Variants in SGCZ observed in about 807,000 individuals in gnomAD.
SGCZ encodes the protein zeta-sarcoglycan.
Under a neutral mutation model 41.3 loss-of-function variants are expected in SGCZ, and 40 were observed. That is an observed-to-expected ratio of 0.97 (90% CI 0.75 to 1.26). SGCZ has a LOEUF of 1.26. SGCZ is among the 50% of genes most tolerant of loss of function. The pLI is 0.00. For missense variants in SGCZ, 552 were observed against 369.8 expected (o/e 1.49, Z -4.04); for synonymous variants, 206 against 137.5 (o/e 1.50, Z -3.49).
At chr8:14,740,287 C>G (rs1312616752) in intron 1 of SGCZ, among the ~76,000 whole-genome samples, 1 of 151,976 alleles carries the variant, frequency 6.6e-6, no homozygotes, top group African/African-American at 2.4e-5. Flanking sequence ...CTTGCTAATT[C>G]CAGGGAAGGA....
intron 1 of SGCZ, among the ~76,000 whole-genome samples, chr8:14,636,308 C>T (rs1420495251): frequency 1.3e-5 from 2 of 151,732 alleles, no homozygotes; most frequent in Non-Finnish European, 2.9e-5. Flanking sequence ...TAAAATGATT[C>T]CACTTCACTT....
At chr8:14,641,178 G>A (rs1395002773) in intron 1 of SGCZ, among the ~76,000 whole-genome samples, 1 of 151,582 alleles carries the variant, frequency 6.6e-6, no homozygotes, top group African/African-American at 2.4e-5. Flanking sequence ...TGCTTCTACT[G>A]CTGTAACAAC....
At chr8:14,330,065 A>G (rs930020772) in intron 2 of SGCZ, among the ~76,000 whole-genome samples, 4 of 152,138 alleles carry the variant, frequency 2.6e-5, no homozygotes, top group African/African-American at 9.6e-5. Context: ...GGCCATGATT[A>G]ATATCCTAGT....
At chr8:14,197,550 A>T (rs977076112) in intron 4 of SGCZ, among the ~76,000 whole-genome samples, 14 of 150,658 alleles carry the variant, frequency 9.3e-5, no homozygotes, top group African/African-American at 2.5e-4. Flanking sequence ...AGATCAAATT[A>T]AAAAAAAACA....
intron 2 of SGCZ, among the ~76,000 whole-genome samples, chr8:14,522,113 C>A (rs188362908): frequency 4.6e-5 from 7 of 152,028 alleles, no homozygotes; most frequent in Non-Finnish European, 8.8e-5. Flanking sequence ...CTGGTAGAAA[C>A]CTTAGTTGCT....
intron 2 of SGCZ, among the ~76,000 whole-genome samples, chr8:14,369,091 A>G (rs1803819891): frequency 6.6e-6 from 1 of 151,528 alleles, no homozygotes. Flanking sequence ...CTTATTAAAT[A>G]TAGTACAAAT....
chr8:15,061,614 G>A (rs957530322), intron 1 of SGCZ, among the ~76,000 whole-genome samples: 1 of 151,602 alleles, frequency 6.6e-6, no homozygotes, highest in Non-Finnish European at 1.5e-5. Flanking sequence ...CTCTTCTGTT[G>A]AGAACTCAGT....
chr8:15,191,266 G>A lies in SGCZ; in HGVS notation c.39+46319C>T, dbSNP rs73527499. 9.4e-3 allele frequency among the ~76,000 whole-genome samples: 1,432 copies of A among 151,862 alleles called. 32 individuals are homozygous for A. The highest frequency in any genetic ancestry group is 0.03 in the African/African-American group (1,255 of 41,356). Reference sequence around the variant, plus strand: ...CAAGACTGAAAAATTCTAAATTTTCGCATGATCTAGTCTGTATTCAACGTA... The same window carrying A: ...CAAGACTGAAAAATTCTAAATTTTCACATGATCTAGTCTGTATTCAACGTA... On this transcript the variant is annotated intron_variant, in intron 1 of 7. Transcript: ENST00000382080.
At chr8:14,395,183 T>A (rs1192395124) in intron 2 of SGCZ, among the ~76,000 whole-genome samples, 1 of 152,218 alleles carries the variant, frequency 6.6e-6, no homozygotes, top group Non-Finnish European at 1.5e-5. Flanking sequence ...TGACTTCTTT[T>A]ATGTACTGTA....
chr8:14,789,580 A>T (rs570543085), intron 1 of SGCZ, among the ~76,000 whole-genome samples: 1 of 152,238 alleles, frequency 6.6e-6, no homozygotes, highest in South Asian at 2.1e-4. Context: ...TAGACCTTTC[A>T]TTCTTTCTCC....
chr8:14,180,816 C>T (rs1563170488), intron 4 of SGCZ, among the ~76,000 whole-genome samples: 1 of 151,896 alleles, frequency 6.6e-6, no homozygotes. Flanking sequence ...AATGGATCTG[C>T]CAAGTGGCGA....
intron 1 of SGCZ, among the ~76,000 whole-genome samples, chr8:14,718,112 G>C (rs140700177): frequency 4.7e-4 from 71 of 151,166 alleles, no homozygotes; most frequent in Non-Finnish European, 8.8e-4. Flanking sequence ...GACTCTCTAA[G>C]CTAAATGTTA....
intron 1 of SGCZ, among the ~76,000 whole-genome samples, chr8:14,899,209 T>C (rs1380340792): frequency 1.3e-5 from 2 of 152,190 alleles, no homozygotes; most frequent in African/African-American, 2.4e-5. Context: ...TGGGTGAAAG[T>C]ATTTTGTAAA....
At chr8:14,580,832 G>C (rs62498440) in intron 1 of SGCZ, among the ~76,000 whole-genome samples, 27,167 of 152,182 alleles carry the variant, frequency 0.18, 2,959 homozygotes, top group Admixed American at 0.25. Flanking sequence ...TGGAGAGATG[G>C]AGGGAGCCTT....
intron 1 of SGCZ, among the ~76,000 whole-genome samples, chr8:15,205,586 A>G (rs1325286036): frequency 6.6e-6 from 1 of 152,142 alleles, no homozygotes; most frequent in Non-Finnish European, 1.5e-5. Flanking sequence ...ATGGCTATTA[A>G]TAAAAAGTCA....
At chr8:14,520,124 G>C (rs1310792012) in intron 2 of SGCZ, among the ~76,000 whole-genome samples, 3 of 151,984 alleles carry the variant, frequency 2.0e-5, no homozygotes, top group Admixed American at 2.0e-4. Context: ...AATACATCCT[G>C]CCAAGTCCTC....
intron 1 of SGCZ, among the ~76,000 whole-genome samples, chr8:14,809,164 G>T (rs569493661): frequency 6.6e-6 from 1 of 151,724 alleles, no homozygotes; most frequent in Non-Finnish European, 1.5e-5. Flanking sequence ...ACACCAGCGT[G>T]GCACATGTAT....
At chr8:14,161,476 G>A (rs1180637835) in intron 5 of SGCZ, 1 of 152,092 alleles carries the variant, frequency 6.6e-6, no homozygotes, top group African/African-American at 2.4e-5. Context: ...GGATAGTGAG[G>A]ACAGTTCTAA....
chr8:14,263,008 T>C (rs963647722), intron 3 of SGCZ, among the ~76,000 whole-genome samples: 2 of 152,220 alleles, frequency 1.3e-5, no homozygotes, highest in African/African-American at 4.8e-5. Flanking sequence ...AACTTCTCTT[T>C]TCTTAAATTT....
Sources: gnomAD v4.1 joint callset for allele counts (sites outside exome capture counted in the v4.1 genomes callset) on GRCh38, gnomAD v4.1.1 for gene constraint, MANE v1.5 for transcripts, NCBI Gene and HGNC (gene_info 2026-07-23, HGNC 2026-07-21) for gene names.